The following USP15 variants were observed in gnomAD, a reference collection of about 807,000 sequenced individuals.
USP15 encodes ubiquitin specific peptidase 15.
Under a neutral mutation model 127.1 loss-of-function variants are expected in USP15, and 18 were observed. That is an observed-to-expected ratio of 0.14 (90% CI 0.10 to 0.21). The LOEUF (loss-of-function observed/expected upper bound fraction) is 0.21. Ranked by LOEUF, USP15 falls within the 10% of genes least tolerant of loss-of-function variation. The probability of loss-of-function intolerance (pLI) is 1.00; values close to 1 mark genes in which losing one functional copy is unlikely to be tolerated. For synonymous variants in USP15, 364 were observed against 393.7 expected, an observed-to-expected ratio of 0.92 and a Z score of 0.89; for missense variants, 805 against 1,159.9, an observed-to-expected ratio of 0.69 and a Z score of 4.44.
chr12:62,371,194 T>C (rs1243321379), intron 8 of USP15, among the ~76,000 whole-genome samples: 1 of 152,208 alleles, frequency 6.6e-6, no homozygotes, highest in African/African-American at 2.4e-5. Flanking sequence ...GGATTCTGTC[T>C]ACCTGTTTAG....
intron 6 of USP15, among the ~76,000 whole-genome samples, chr12:62,341,230 G>A (rs2065638257): frequency 1.3e-5 from 2 of 150,726 alleles, no homozygotes; most frequent in African/African-American, 2.4e-5. Context: ...CATTTGCTTG[G>A]TAAGTACTCC....
At chr12:62,326,788 G>A (rs1485783784) in intron 6 of USP15, among the ~76,000 whole-genome samples, 1 of 152,022 alleles carries the variant, frequency 6.6e-6, no homozygotes, top group African/African-American at 2.4e-5. Flanking sequence ...TAACAATTTA[G>A]TACATTTTAA....
intron 7 of USP15, among the ~76,000 whole-genome samples, chr12:62,353,103 T>G (rs1239843524): frequency 3.9e-5 from 6 of 152,000 alleles, no homozygotes; most frequent in Non-Finnish European, 5.9e-5. Context: ...ATGACAAGCC[T>G]TAATATTTCA....
intron 5 of USP15, among the ~76,000 whole-genome samples, chr12:62,323,514 C>G (rs2065044135): frequency 1.3e-5 from 2 of 152,054 alleles, no homozygotes; most frequent in South Asian, 2.1e-4. Context: ...AGAAATCTTA[C>G]AAAATCCAAT....
rs112956393 is a variant in USP15 at position 62,314,910 on chromosome 12, A to G, written c.469A>G (p.Thr157Ala). Reference sequence around the variant, plus strand: ...AACTCGAAGATTTAGCAAAGCTGACACAATAGGTAATGCAAGATCCTGTCT... The same window carrying G: ...AACTCGAAGATTTAGCAAAGCTGACGCAATAGGTAATGCAAGATCCTGTCT... The part of the protein sequence containing the change: ...VVTRRFSKAD[T>A]IDTIEKEIRK... Residue 157 changes from threonine to alanine, a missense_variant, in exon 4 of 22, where the codon ACA (threonine) becomes GCA (alanine). This residue lies in a region of USP15 where 57 missense variants were observed against 47.3 expected (regional missense o/e 1.20). Coordinates refer to ENST00000280377, the MANE Select transcript of USP15 (RefSeq NM_001252078.2). 2 of 1,575,740 alleles carry G rather than the reference A, an allele frequency of 1.3e-6. No homozygotes were observed. The highest frequency in any genetic ancestry group is 1.8e-5 in the Admixed American group (1 of 54,130).
chr12:62,367,734 TTTTG>T (rs140270414), intron 8 of USP15, among the ~76,000 whole-genome samples: 11,841 of 152,218 alleles, frequency 0.078, 574 homozygotes, highest in Middle Eastern at 0.16. Flanking sequence ...AGTCTGTCTA[TTTTG>T]TTTATCTTTT....
chr12:62,266,582 A>C (rs1235786940), intron 1 of USP15, among the ~76,000 whole-genome samples: 1 of 152,144 alleles, frequency 6.6e-6, no homozygotes, highest in African/African-American at 2.4e-5. Context: ...TTTTTCACTG[A>C]AAATCACTTC....
intron 1 of USP15, chr12:62,277,717 T>C (rs534671591): frequency 1.5e-3 from 204 of 140,080 alleles, no homozygotes; most frequent in African/African-American, 5.2e-3. Context: ...AAAAAAAAAA[T>C]CACAAAAAAA....
At position 62,301,369 on chromosome 12, in the gene USP15, A is replaced by G. The variant is rs146838747; in HGVS notation, c.218-1421A>G. ...CAGAATAAATGAAAGCATTTTATCC[A>G]TATGACCGATTGTACACAAATGGTC... On this transcript the variant is annotated intron_variant, in intron 2 of 21. Transcript: ENST00000280377. 3.8e-3 allele frequency among the ~76,000 whole-genome samples: 586 copies of G among 152,306 alleles called. 5 individuals carry two copies. The highest frequency in any genetic ancestry group is 0.013 in the African/African-American group (549 of 41,586).
chr12:62,281,423 A>T (rs1390087530), intron 1 of USP15, among the ~76,000 whole-genome samples: 1 of 152,000 alleles, frequency 6.6e-6, no homozygotes, highest in Non-Finnish European at 1.5e-5. Context: ...TGCAACCTCC[A>T]CCTCCTGGGT....
At chr12:62,332,942 A>T (rs1272243582) in intron 6 of USP15, among the ~76,000 whole-genome samples, 1 of 152,122 alleles carries the variant, frequency 6.6e-6, no homozygotes, top group African/African-American at 2.4e-5. Flanking sequence ...ATTGCATACT[A>T]CTTTTTTGGT....
chr12:62,413,642 T>C lies in USP15; in HGVS notation c.*9267T>C, dbSNP rs543141328. On this transcript the variant is annotated 3_prime_UTR_variant, in exon 22 of 22. Transcript: ENST00000280377. ...TGCAGCTTCCTTACCTTAGCCTCCA[T>C]AGAATTGAAGAGAGAGGGCCTTGCT... The C allele has an allele frequency of 4.6e-5, 7 of 152,170 alleles. No individual in the cohort carries two copies. Among genetic ancestry groups the C allele is most frequent in the Admixed American group, 1.3e-4 (2 of 15,280 alleles). 9.4% of individuals were successfully genotyped at this position (152,170 alleles called of 1,614,324 possible).
At chr12:62,332,846 T>A (rs1200818558) in intron 6 of USP15, among the ~76,000 whole-genome samples, 1 of 152,008 alleles carries the variant, frequency 6.6e-6, no homozygotes, top group Non-Finnish European at 1.5e-5. Flanking sequence ...CACTATAAAC[T>A]TAATTTCATG....
At chr12:62,341,576 G>C (rs886622527) in intron 6 of USP15, among the ~76,000 whole-genome samples, 3 of 152,088 alleles carry the variant, frequency 2.0e-5, no homozygotes, top group Non-Finnish European at 4.4e-5. Flanking sequence ...GCTACCTGGT[G>C]GTGACAAAAT....
At chr12:62,369,688 A>G (rs56291672) in intron 8 of USP15, among the ~76,000 whole-genome samples, 16,034 of 152,214 alleles carry the variant, frequency 0.11, 898 homozygotes, top group Middle Eastern at 0.17. Context: ...CATTATGAAT[A>G]ATTTCTAGGG....
chr12:62,355,135 A>T, intron 7 of USP15, 196 bp from the exon 8 acceptor site: 1 of 432,818 alleles, frequency 2.3e-6, no homozygotes, highest in Non-Finnish European at 4.0e-6. Context: ...TATTTTGTTG[A>T]TTGGATAAGG....
chr12:62,321,063 C>T (rs2064972517), intron 4 of USP15, among the ~76,000 whole-genome samples: 1 of 151,890 alleles, frequency 6.6e-6, no homozygotes. Context: ...TTATGTGGTA[C>T]TTAAAAAATT....
Position 62,396,413 on chromosome 12 carries a change from T to C in USP15, c.2674+15T>C. The C allele has an allele frequency of 1.2e-6, 2 of 1,610,370 alleles. No individual in the cohort carries two copies. Among genetic ancestry groups the C allele is most frequent in the Non-Finnish European group, 1.7e-6 (2 of 1,177,120 alleles). On this transcript the variant is annotated intron_variant, in intron 20 of 21. Coordinates refer to ENST00000280377, the MANE Select transcript of USP15 (RefSeq NM_001252078.2). Reference sequence around the variant, plus strand: ...AGGAGGACACTGTAAGTTGACAGTTTGCCTTTTTACCCAAATCATGGTGTT... The same window carrying C: ...AGGAGGACACTGTAAGTTGACAGTTCGCCTTTTTACCCAAATCATGGTGTT...
At chr12:62,394,888 T>C (rs1197921673) in intron 19 of USP15, among the ~76,000 whole-genome samples, 2 of 150,958 alleles carry the variant, frequency 1.3e-5, no homozygotes, top group Non-Finnish European at 2.9e-5. Context: ...AATGACAAAC[T>C]AGAATCTATC....
Sources: allele counts gnomAD v4.1 joint callset (sites outside exome capture counted in the v4.1 genomes callset), GRCh38; gene constraint gnomAD v4.1.1; regional missense constraint gnomAD v4.1.1; transcripts MANE v1.5; gene names NCBI Gene and HGNC (gene_info 2026-07-23, HGNC 2026-07-21).